Variants in KMT5A observed in about 807,000 individuals in gnomAD.
The protein encoded by KMT5A is N-lysine methyltransferase KMT5A.
In KMT5A, 6 loss-of-function variants were observed where a neutral mutation model predicts 40.6. That is an observed-to-expected ratio of 0.15 (90% CI 0.08 to 0.29). The LOEUF (loss-of-function observed/expected upper bound fraction) is 0.29. Among genes scored for constraint, KMT5A ranks in the 10% least tolerant of loss-of-function variants. KMT5A has a pLI of 1.00. For synonymous variants in KMT5A, 153 were observed against 178.8 expected (o/e 0.86, Z 1.15); for missense variants, 308 against 459.1 (o/e 0.67, Z 3.01).
chr12:123,397,823 C>T (rs970164289), intron 5 of KMT5A, among the ~76,000 whole-genome samples: 1 of 122,860 alleles, frequency 8.1e-6, no homozygotes, highest in South Asian at 3.0e-4. Flanking sequence ...TTCGCCACCA[C>T]GCCCAGCTAA....
intron 1 of KMT5A, among the ~76,000 whole-genome samples, chr12:123,385,049 AAAG>A (rs1876791538): frequency 1.3e-5 from 2 of 152,200 alleles, no homozygotes; most frequent in African/African-American, 4.8e-5. Flanking sequence ...AAAAAAAAAA[AAAG>A]TTTTGGTATT....
chr12:123,396,243 C>A, intron 4 of KMT5A, 102 bp from the exon 5 acceptor site: 1 of 1,075,552 alleles, frequency 9.3e-7, no homozygotes, highest in Non-Finnish European at 1.4e-6. Flanking sequence ...GACATCATCT[C>A]CAAGGAGCTG....
intron 4 of KMT5A, 61 bp from the exon 5 acceptor site, chr12:123,396,284 G>T (rs1877716935): frequency 6.6e-7 from 1 of 1,512,044 alleles, no homozygotes; most frequent in Non-Finnish European, 9.2e-7. Flanking sequence ...CTTCTAAGGA[G>T]CTGTGTGCCT....
Position 123,384,421 on chromosome 12 carries a change from G to A in KMT5A, c.10+213G>A, listed in dbSNP as rs1314336666. 1.3e-5 allele frequency among the ~76,000 whole-genome samples: 2 copies of A among 152,216 alleles called. No homozygotes were observed. Among genetic ancestry groups the A allele is most frequent in the African/African-American group, 4.8e-5 (2 of 41,466 alleles). ...GCCCCCAGAAACCCTTCCCACTGCC[G>A]TGCTTCTGTTTCCCTTCTATGAAGT... On this transcript the variant is annotated intron_variant, in intron 1 of 7. Coordinates refer to ENST00000402868, the MANE Select transcript of KMT5A (RefSeq NM_020382.7). The surrounding 1 kb of genome is among the most constrained non-coding windows in gnomAD (Gnocchi z 5.7).
At chr12:123,400,745 CTGG>C (rs1356707682) in intron 5 of KMT5A, among the ~76,000 whole-genome samples, 1 of 152,118 alleles carries the variant, frequency 6.6e-6, no homozygotes, top group Non-Finnish European at 1.5e-5. Context: ...TTAAGTTACT[CTGG>C]TGAATTTGTC....
chr12:123,384,417 T>C lies in KMT5A; in HGVS notation c.10+209T>C, dbSNP rs1207851979. 6.6e-6 allele frequency among the ~76,000 whole-genome samples: 1 copy of C among 152,214 alleles called. No homozygotes were observed. Among genetic ancestry groups the C allele is most frequent in the Non-Finnish European group, 1.5e-5 (1 of 68,036 alleles). On this transcript the variant is annotated intron_variant, in intron 1 of 7. Coordinates refer to ENST00000402868, the MANE Select transcript of KMT5A (RefSeq NM_020382.7). The surrounding 1 kb of genome is among the most constrained non-coding windows in gnomAD (Gnocchi z 5.7). The stretch of plus-strand genomic sequence containing the variant: ...AGATGCCCCCAGAAACCCTTCCCAC[T>C]GCCGTGCTTCTGTTTCCCTTCTATG...
At chr12:123,406,324 AT>A (rs1878551107) in intron 7 of KMT5A, among the ~76,000 whole-genome samples, 1 of 151,156 alleles carries the variant, frequency 6.6e-6, no homozygotes, top group Non-Finnish European at 1.5e-5. Flanking sequence ...ATTTTATTTT[AT>A]TTTTTTGAGA....
At chr12:123,391,831 C>A (rs910195100) in intron 3 of KMT5A, among the ~76,000 whole-genome samples, 1 of 152,208 alleles carries the variant, frequency 6.6e-6, no homozygotes, top group Non-Finnish European at 1.5e-5. Flanking sequence ...TCATAAATGA[C>A]GATTTGGCAT....
chr12:123,403,591 A>C lies in KMT5A; in HGVS notation c.616A>C (p.Ile206Leu). 1 of 1,614,222 alleles carries C rather than the reference A, an allele frequency of 6.2e-7. No individual in the cohort carries two copies. The highest frequency in any genetic ancestry group is 8.5e-7 in the Non-Finnish European group (1 of 1,180,010). ...TGCCCAGTCTGAAGAAAGGAAAAGA[A>C]TAGATGAATTGATTGAAAGTGGGAA... is the stretch of plus-strand genomic sequence containing the variant. The part of the protein sequence containing the change: ...AELQSEERKR[I>L]DELIESGKEE... Residue 206 changes from isoleucine to leucine, a missense_variant, in exon 6 of 8, where the codon ATA becomes CTA. Ile to Leu is a conservative substitution (Grantham distance 5). This residue lies in a region of KMT5A where 77 missense variants were observed against 220.0 expected (regional missense o/e 0.35). Transcript: ENST00000402868.
At chr12:123,389,692 CA>C (rs1877133912) in intron 2 of KMT5A, 138 bp downstream of exon 2, 1 of 571,074 alleles carries the variant, frequency 1.8e-6, no homozygotes, top group Non-Finnish European at 2.3e-6. Context: ...GAGTGGCGCC[CA>C]CACGGCTCCG....
At chr12:123,402,816 C>A (rs1031403093) in intron 5 of KMT5A, among the ~76,000 whole-genome samples, 1 of 152,142 alleles carries the variant, frequency 6.6e-6, no homozygotes, top group Non-Finnish European at 1.5e-5. Context: ...TGAATCTCAG[C>A]GATCCCAAAC....
chr12:123,399,791 A>G (rs1878011795), intron 5 of KMT5A, among the ~76,000 whole-genome samples: 1 of 152,206 alleles, frequency 6.6e-6, no homozygotes, highest in Non-Finnish European at 1.5e-5. Context: ...CAACCTGGGC[A>G]ACATTGTGAG....
In KMT5A at chr12:123,408,534, G is replaced by GTA. The variant is rs1435164949; in HGVS notation, c.*836_*837dup. 1.5e-5 allele frequency: 2 copies of GTA among 136,926 alleles called. No homozygotes were observed. The highest frequency in any genetic ancestry group is 4.5e-4 in the East Asian group (2 of 4,480). 8.5% of individuals were successfully genotyped at this position (136,926 alleles called of 1,614,324 possible). Reference sequence around the variant, plus strand: ...AAAACCACAGAAAACAACTTTACATGTATATAGGTCTTGAAGTGAGTGAAG... The same window carrying GTA: ...AAAACCACAGAAAACAACTTTACATGTATATATAGGTCTTGAAGTGAGTGAAG... On this transcript the variant is annotated 3_prime_UTR_variant, in exon 8 of 8. Coordinates refer to ENST00000402868, the MANE Select transcript of KMT5A (RefSeq NM_020382.7).
intron 5 of KMT5A, among the ~76,000 whole-genome samples, chr12:123,398,859 G>A (rs28532037): frequency 0.88 from 134,275 of 152,292 alleles, 59,310 homozygotes; most frequent in Middle Eastern, 0.95. Flanking sequence ...GGAGGGTGGG[G>A]CATAATACAG....
chr12:123,395,527 A>AT (rs59272079), intron 4 of KMT5A, among the ~76,000 whole-genome samples: 141,627 of 148,744 alleles, frequency 0.95, 67,449 homozygotes, highest in Non-Finnish European at 0.96. Flanking sequence ...TTTTAAATTT[A>AT]TTTTTTTTGT....
chr12:123,403,173 G>T (rs1451645215), intron 5 of KMT5A, among the ~76,000 whole-genome samples: 1 of 152,246 alleles, frequency 6.6e-6, no homozygotes. Context: ...GAAGTGTTGC[G>T]ATTACAGGCG....
At position 123,387,768 on chromosome 12, in the gene KMT5A, A is replaced by G. The variant is rs186142694; in HGVS notation, c.11-1665A>G. On this transcript the variant is annotated intron_variant, in intron 1 of 7. Transcript: ENST00000402868. ...GGTGGGAGGATGGCTACAAACAGCC[A>G]TTTGCTTATCTGTGGATGTTGGAAG... 1.2e-3 allele frequency among the ~76,000 whole-genome samples: 176 copies of G among 152,296 alleles called. 1 individual carries two copies. The highest frequency in any genetic ancestry group is 4.0e-3 in the African/African-American group (165 of 41,560).
intron 4 of KMT5A, 31 bp from the exon 5 acceptor site, chr12:123,396,314 A>G (rs1361538601): frequency 2.5e-6 from 4 of 1,607,808 alleles, no homozygotes; most frequent in East Asian, 2.2e-5. Flanking sequence ...CAGTCCTGAT[A>G]TTTATTTTCT....
At position 123,395,246 on chromosome 12, in the gene KMT5A, C is replaced by T. The variant is rs773983136; in HGVS notation, c.489C>T (p.Gly163=). The change falls in exon 4 of 8, where the codon GGC becomes GGT. Residue 163 remains glycine (G), a synonymous_variant. Transcript: ENST00000402868. ...AAGCCCTGAAAAAGCCCATCAAGGG[C>T]AAACAGGCCCCCCGAAAAAAGTAAG... ...AKQALKKPIK[G]KQAPRKKAQG... is the part of the protein sequence containing the mutation. The T allele has an allele frequency of 2.5e-6, 4 of 1,613,308 alleles. No individual in the cohort carries two copies. The highest frequency in any genetic ancestry group is 3.4e-6 in the Non-Finnish European group (4 of 1,179,708).
Sources: gnomAD v4.1 joint callset for allele counts (sites outside exome capture counted in the v4.1 genomes callset) on GRCh38, gnomAD v4.1.1 for gene constraint, gnomAD v4.1.1 regional missense constraint, Gnocchi (gnomAD v3.1) non-coding constraint, MANE v1.5 for transcripts, NCBI Gene and HGNC (gene_info 2026-07-23, HGNC 2026-07-21) for gene names.